The following PLEKHA3 variants were observed in gnomAD, a reference collection of about 807,000 sequenced individuals.
PLEKHA3 encodes pleckstrin homology domain-containing family A member 3.
PLEKHA3 carries 19 observed loss-of-function variants against 39.2 expected under a neutral mutation model. That is an observed-to-expected ratio of 0.48 (90% CI 0.34 to 0.71). PLEKHA3 has a LOEUF of 0.71. PLEKHA3 is among the 30% of genes least tolerant of loss of function. PLEKHA3 has a pLI of 0.01. For missense variants in PLEKHA3, 253 were observed against 359.5 expected (o/e 0.70, Z 2.40); for synonymous variants, 97 against 118.6 (o/e 0.82, Z 1.18).
chr2:178,501,320 CTCAA>C, intron 7 of PLEKHA3, 144 bp downstream of exon 7: 1 of 629,132 alleles, frequency 1.6e-6, no homozygotes, highest in East Asian at 2.8e-5. Context: ...GCAAACAGCG[CTCAA>C]TCAATGAAAG....
At chr2:178,483,050 G>C (rs1685196965) in intron 1 of PLEKHA3, among the ~76,000 whole-genome samples, 1 of 152,074 alleles carries the variant, frequency 6.6e-6, no homozygotes, top group Non-Finnish European at 1.5e-5. Flanking sequence ...TTGAGGTCAG[G>C]AGTTTGAGAC....
intron 3 of PLEKHA3, among the ~76,000 whole-genome samples, chr2:178,493,431 CT>C (rs1450552366): frequency 5.9e-5 from 9 of 152,142 alleles, no homozygotes; most frequent in Admixed American, 5.9e-4. Flanking sequence ...GGAAAGATTA[CT>C]ATCTTTAATT....
intron 2 of PLEKHA3, among the ~76,000 whole-genome samples, chr2:178,487,512 C>T (rs111308939): frequency 0.013 from 2,006 of 151,946 alleles, 36 homozygotes; most frequent in African/African-American, 0.045. Flanking sequence ...GATCATGGCT[C>T]ACTGCAGCCT....
chr2:178,504,115 T>C lies in PLEKHA3; in HGVS notation c.*228T>C. 1 of 314,154 alleles carries C rather than the reference T, an allele frequency of 3.2e-6. No homozygotes were observed. The highest frequency in any genetic ancestry group is 5.9e-6 in the Non-Finnish European group (1 of 168,616). The allele number at this position is 314,154 out of a possible 1,614,324, so 19.5% of individuals were successfully genotyped here. The stretch of plus-strand genomic sequence containing the variant: ...AACTTCACAGTATGAATGTGCATCT[T>C]TTTTTTTTGAACAAATGATGGTGTA... On this transcript the variant is annotated 3_prime_UTR_variant, in exon 8 of 8. Transcript: ENST00000234453.
chr2:178,499,147 G>A, intron 5 of PLEKHA3, 64 bp from the exon 6 acceptor site: 3 of 1,438,318 alleles, frequency 2.1e-6, no homozygotes, highest in Non-Finnish European at 2.9e-6. Flanking sequence ...GTAAATTAGA[G>A]CTGCATGATT....
At chr2:178,485,560 GC>G in intron 1 of PLEKHA3, 80 bp from the exon 2 acceptor site, 1 of 807,520 alleles carries the variant, frequency 1.2e-6, no homozygotes, top group Non-Finnish European at 2.1e-6. Context: ...AATGTGGATG[GC>G]AGGTTTTGAA....
rs1357265065 is a variant in PLEKHA3 at position 178,503,811 on chromosome 2, C to G, written c.827C>G (p.Thr276Ser). Reference protein sequence around the residue: ...NTLNGDLASATIPEESRLMAK... With the variant: ...NTLNGDLASASIPEESRLMAK... ...CTTAATGGAGATTTGGCATCAGCAA[C>G]CATTCCTGAAGAAAGCAGACTTATG... Residue 276 changes from threonine (T) to serine (S), a missense_variant, in exon 8 of 8, where the codon ACC becomes AGC. Thr to Ser is a moderately conservative substitution (Grantham distance 58). Transcript: ENST00000234453. 1.2e-6 allele frequency: 2 copies of G among 1,611,696 alleles called. No individual in the cohort carries two copies. The highest frequency in any genetic ancestry group is 8.5e-7 in the Non-Finnish European group (1 of 1,178,242).
At chr2:178,487,524 C>T (rs535448842) in intron 2 of PLEKHA3, among the ~76,000 whole-genome samples, 35 of 152,084 alleles carry the variant, frequency 2.3e-4, no homozygotes, top group African/African-American at 8.2e-4. Flanking sequence ...CTGCAGCCTC[C>T]ACCTCCTGGG....
intron 7 of PLEKHA3, 115 bp downstream of exon 7, chr2:178,501,291 T>G: frequency 1.4e-6 from 1 of 735,434 alleles, no homozygotes; most frequent in Admixed American, 2.9e-5. Context: ...GTTTCTTTGA[T>G]TCCTTAATTC....
intron 2 of PLEKHA3, chr2:178,489,029 G>A (rs1685302757): frequency 4.6e-6 from 2 of 436,332 alleles, no homozygotes; most frequent in Non-Finnish European, 9.2e-6. Context: ...GTTTAAAAAT[G>A]AGTCATCTTA....
chr2:178,510,889 T>C lies in PLEKHA3; in HGVS notation c.*7002T>C, dbSNP rs1050243322. ...TCTAATCAAAGTGTTTTGGGGAACA[T>C]TTAATTTAAATACTATGTTCAATTT... On this transcript the variant is annotated 3_prime_UTR_variant, in exon 8 of 8. Transcript: ENST00000234453. 3.9e-5 allele frequency: 6 copies of C among 152,224 alleles called. No homozygotes were observed. Among genetic ancestry groups the C allele is most frequent in the Non-Finnish European group, 8.8e-5 (6 of 68,040 alleles). The allele number at this position is 152,224 out of a possible 1,614,324, so 9.4% of individuals were successfully genotyped here.
intron 1 of PLEKHA3, among the ~76,000 whole-genome samples, chr2:178,484,645 C>T (rs1342817712): frequency 2.0e-5 from 3 of 152,154 alleles, no homozygotes; most frequent in African/African-American, 7.2e-5. Flanking sequence ...TACATTTTAG[C>T]CATGAATATT....
At chr2:178,482,381 A>T (rs1208743803) in intron 1 of PLEKHA3, among the ~76,000 whole-genome samples, 1 of 151,826 alleles carries the variant, frequency 6.6e-6, no homozygotes, top group East Asian at 1.9e-4. Context: ...ACAAAAACAA[A>T]AACAAAAAAC....
rs942190856 is a variant in PLEKHA3, at chr2:178,510,023, C to T, written c.*6136C>T. 2.0e-5 allele frequency: 3 copies of T among 152,104 alleles called. No individual in the cohort carries two copies. Among genetic ancestry groups the T allele is most frequent in the African/African-American group, 7.2e-5 (3 of 41,404 alleles). 9.4% of individuals were successfully genotyped at this position (152,104 alleles called of 1,614,324 possible). On this transcript the variant is annotated 3_prime_UTR_variant, in exon 8 of 8. Transcript: ENST00000234453. The stretch of plus-strand genomic sequence containing the variant: ...GCTACAGGCTAGGACTACAGGTGCT[C>T]GCCACCATGCCCAGCTAATTTTTGT...
Position 178,504,828 on chromosome 2 carries a change from G to A in PLEKHA3, c.*941G>A, listed in dbSNP as rs1476495076. ...AAAAAGGAATTCTGTCAAGATGACT[G>A]CTCTATATCACTTGAGAATGGCATT... On this transcript the variant is annotated 3_prime_UTR_variant, in exon 8 of 8. Transcript: ENST00000234453. 2 of 152,328 alleles carry A rather than the reference G, an allele frequency of 1.3e-5. No individual in the cohort carries two copies. The highest frequency in any genetic ancestry group is 2.4e-5 in the African/African-American group (1 of 41,418). The allele number at this position is 152,328 out of a possible 1,614,324, so 9.4% of individuals were successfully genotyped here.
chr2:178,509,633 A>T lies in PLEKHA3; in HGVS notation c.*5746A>T, dbSNP rs1014310773. The T allele has an allele frequency of 2.0e-5, 3 of 151,230 alleles. No individual in the cohort carries two copies. In the East Asian group the frequency reaches 5.9e-4, roughly 29 times the overall value. The allele number at this position is 151,230 out of a possible 1,614,324, so 9.4% of individuals were successfully genotyped here. A position where few individuals can be genotyped will look rare whatever the true frequency, so the allele number is the denominator to read the frequency against. ...ACTAGGACTACAGGCATGCACCACT[A>T]CTCCTGGCTAATTTTTGTATTTTTT... On this transcript the variant is annotated 3_prime_UTR_variant, in exon 8 of 8. Transcript: ENST00000234453.
At chr2:178,490,844 A>G (rs1405026859) in intron 3 of PLEKHA3, 30 bp downstream of exon 3, 1 of 1,538,344 alleles carries the variant, frequency 6.5e-7, no homozygotes, top group Non-Finnish European at 8.8e-7. Context: ...TTGTGGTGAG[A>G]GTACTTTCTT....
At chr2:178,499,112 T>G (rs1359216539) in intron 5 of PLEKHA3, 99 bp from the exon 6 acceptor site, 2 of 1,193,128 alleles carry the variant, frequency 1.7e-6, no homozygotes, top group African/African-American at 1.6e-5. Context: ...TTTCTCTGAG[T>G]AAATTTATGT....
rs1277097269 is a variant in PLEKHA3, at chr2:178,511,663, G to A, written c.*7776G>A. The A allele has an allele frequency of 6.6e-6, 1 of 152,108 alleles. No individual in the cohort carries two copies. Among genetic ancestry groups the A allele is most frequent in the African/African-American group, 2.4e-5 (1 of 41,372 alleles). The allele number at this position is 152,108 out of a possible 1,614,324, so 9.4% of individuals were successfully genotyped here. A position where few individuals can be genotyped will look rare whatever the true frequency, so the allele number is the denominator to read the frequency against. ...TGGGATTACAGGCGGGAGCCACCGT[G>A]CCCGACCTGACCTCTCCATCTTTGG... On this transcript the variant is annotated 3_prime_UTR_variant, in exon 8 of 8. Transcript: ENST00000234453.
Sources: allele counts gnomAD v4.1 joint callset (sites outside exome capture counted in the v4.1 genomes callset), GRCh38; gene constraint gnomAD v4.1.1; transcripts MANE v1.5; gene names NCBI Gene and HGNC (gene_info 2026-07-23, HGNC 2026-07-21).